ANKS1B: variants seen among roughly 807,000 people sequenced by gnomAD.
The protein encoded by ANKS1B is ankyrin repeat and sterile alpha motif domain-containing protein 1B.
Under a neutral mutation model 148.3 loss-of-function variants are expected in ANKS1B, and 36 were observed. That is an observed-to-expected ratio of 0.24 (90% CI 0.19 to 0.32). ANKS1B has a LOEUF of 0.32. ANKS1B is among the 10% of genes least tolerant of loss of function. ANKS1B has a pLI of 1.00. For synonymous variants in ANKS1B, 542 were observed against 560.8 expected (o/e 0.97, Z 0.47); for missense variants, 1,157 against 1,542.6 (o/e 0.75, Z 4.19).
chr12:99,128,946 G>A (rs546215547), intron 15 of ANKS1B, among the ~76,000 whole-genome samples: 2 of 152,196 alleles, frequency 1.3e-5, no homozygotes, highest in Non-Finnish European at 2.9e-5. Flanking sequence ...GGATGATTGT[G>A]AGTAGAATGG....
chr12:99,850,560 T>C (rs1432793019), intron 1 of ANKS1B, among the ~76,000 whole-genome samples: 1 of 152,030 alleles, frequency 6.6e-6, no homozygotes, highest in Non-Finnish European at 1.5e-5. Context: ...ATTCTAGGTT[T>C]CTACAAATAT....
intron 12 of ANKS1B, among the ~76,000 whole-genome samples, chr12:99,377,452 G>A (rs1170345269): frequency 6.6e-6 from 1 of 151,986 alleles, no homozygotes; most frequent in Non-Finnish European, 1.5e-5. Context: ...TATTTCCTAG[G>A]AACATCAGTA....
intron 17 of ANKS1B, among the ~76,000 whole-genome samples, chr12:99,007,484 T>G (rs2099936804): frequency 6.6e-6 from 1 of 152,196 alleles, no homozygotes. Flanking sequence ...AGTCACTGCT[T>G]CCAACTCTGC....
Position 99,579,053 on chromosome 12 carries a change from A to C in ANKS1B, c.1273-74412T>G, listed in dbSNP as rs1016747882. Reference sequence around the variant, plus strand: ...ACCCAGAAATAAAGCTGCACACCTAAAACCAACTGATCTTCAAAAAAGTTG... The same window carrying C: ...ACCCAGAAATAAAGCTGCACACCTACAACCAACTGATCTTCAAAAAAGTTG... On this transcript the variant is annotated intron_variant, in intron 9 of 26. Transcript: ENST00000683438. 1.4e-4 allele frequency among the ~76,000 whole-genome samples: 21 copies of C among 152,036 alleles called. 1 individual carries two copies. Among genetic ancestry groups the C allele is most frequent in the African/African-American group, 5.1e-4 (21 of 41,418 alleles).
intron 17 of ANKS1B, chr12:98,893,488 T>G (rs1448455791): frequency 6.6e-6 from 1 of 152,244 alleles, no homozygotes; most frequent in Non-Finnish European, 1.5e-5. Context: ...AGAAGAGAAC[T>G]AGACTCTCTT....
At chr12:99,320,485 G>A (rs986229101) in intron 12 of ANKS1B, among the ~76,000 whole-genome samples, 8 of 151,894 alleles carry the variant, frequency 5.3e-5, no homozygotes, top group African/African-American at 9.7e-5. Flanking sequence ...TGATCGAATC[G>A]GCTACTGAAG....
intron 1 of ANKS1B, among the ~76,000 whole-genome samples, chr12:99,834,856 T>G (rs2084580097): frequency 6.6e-6 from 1 of 152,224 alleles, no homozygotes; most frequent in African/African-American, 2.4e-5. Flanking sequence ...AATGTGCATT[T>G]AATGCCTCAG....
chr12:99,273,655 G>A (rs1241119245), intron 12 of ANKS1B, among the ~76,000 whole-genome samples: 2 of 146,628 alleles, frequency 1.4e-5, no homozygotes, highest in Non-Finnish European at 1.5e-5. Context: ...CGGCTCACTG[G>A]AACCTCCACC....
At position 98,848,744 on chromosome 12, in the gene ANKS1B, T is replaced by TTTTTTTTTTTTTTTTTG. The variant is rs1567128943; in HGVS notation, c.2779-16609_2779-16608insCAAAAAAAAAAAAAAAA. On this transcript the variant is annotated intron_variant, in intron 17 of 26. Transcript: ENST00000683438. ...TGGATTAATTTCTGTGTATGTGTGGTTTTTTTTTTTTTGAGACGGAGTCTC... is the reference window on the plus strand; with the variant it reads ...TGGATTAATTTCTGTGTATGTGTGGTTTTTTTTTTTTTTTTTGTTTTTTTTTTTTGAGACGGAGTCTC... Among the ~76,000 whole-genome samples the TTTTTTTTTTTTTTTTTG allele has an allele frequency of 2.2e-4, 10 of 45,944 alleles. 1 individual carries two copies. Among genetic ancestry groups the TTTTTTTTTTTTTTTTTG allele is most frequent in the African/African-American group, 7.2e-4 (9 of 12,538 alleles). 30.1% of individuals were successfully genotyped at this position (45,944 alleles called of 152,430 possible).
chr12:98,995,421 T>C (rs1011862192), intron 17 of ANKS1B, among the ~76,000 whole-genome samples: 1 of 151,910 alleles, frequency 6.6e-6, no homozygotes. Flanking sequence ...TGAAACCCCA[T>C]CTCTACTAAA....
intron 14 of ANKS1B, among the ~76,000 whole-genome samples, chr12:99,169,623 T>C (rs1005063207): frequency 1.3e-5 from 2 of 152,228 alleles, no homozygotes; most frequent in Non-Finnish European, 2.9e-5. Context: ...TCTGGCCTTT[T>C]ATATATGTTA....
intron 17 of ANKS1B, among the ~76,000 whole-genome samples, chr12:98,972,025 G>T (rs1041712737): frequency 1.3e-5 from 2 of 152,056 alleles, no homozygotes; most frequent in African/African-American, 4.8e-5. Flanking sequence ...AAAATTAGCC[G>T]GGCGTGGTGG....
At chr12:99,733,505 AAT>A (rs2059357459) in intron 8 of ANKS1B, among the ~76,000 whole-genome samples, 1 of 152,196 alleles carries the variant, frequency 6.6e-6, no homozygotes, top group African/African-American at 2.4e-5. Context: ...GAGAAATTAC[AAT>A]GTTCTAGGCA....
chr12:99,783,903 G>A (rs1289587346), intron 4 of ANKS1B, among the ~76,000 whole-genome samples: 3 of 151,998 alleles, frequency 2.0e-5, no homozygotes, highest in Non-Finnish European at 4.4e-5. Flanking sequence ...CAAATAAATG[G>A]CAAATGTTTA....
intron 17 of ANKS1B, among the ~76,000 whole-genome samples, chr12:98,909,938 G>A (rs1458183763): frequency 1.3e-5 from 2 of 152,320 alleles, no homozygotes; most frequent in African/African-American, 4.8e-5. Flanking sequence ...TCAGGGGGCC[G>A]GGAATCAGCT....
intron 15 of ANKS1B, among the ~76,000 whole-genome samples, chr12:99,133,505 C>G (rs1043719218): frequency 6.6e-6 from 1 of 152,198 alleles, no homozygotes; most frequent in Non-Finnish European, 1.5e-5. Flanking sequence ...CATTCTCTCT[C>G]CTTTACAGCC....
intron 25 of ANKS1B, among the ~76,000 whole-genome samples, chr12:98,752,135 C>T (rs114526405): frequency 7.9e-5 from 12 of 152,318 alleles, no homozygotes; most frequent in African/African-American, 2.9e-4. Context: ...ACCAAACCAA[C>T]GTACTTCTTA....
At chr12:99,573,486 G>A (rs1366390119) in intron 9 of ANKS1B, among the ~76,000 whole-genome samples, 1 of 151,970 alleles carries the variant, frequency 6.6e-6, no homozygotes. Context: ...AGAATTTATA[G>A]TGATACTCAC....
chr12:99,035,551 C>G (rs906324158), intron 17 of ANKS1B, among the ~76,000 whole-genome samples: 6 of 152,180 alleles, frequency 3.9e-5, no homozygotes, highest in African/African-American at 1.4e-4. Context: ...GGTCTTCATC[C>G]TGAAGGCTCC....
Sources: allele counts gnomAD v4.1 joint callset (sites outside exome capture counted in the v4.1 genomes callset), GRCh38; gene constraint gnomAD v4.1.1; transcripts MANE v1.5; gene names NCBI Gene and HGNC (gene_info 2026-07-23, HGNC 2026-07-21).